The following EYS variants were observed in gnomAD, a reference collection of about 807,000 sequenced individuals.
The protein encoded by EYS is EGF-like photoreceptor maintenance factor.
Under a neutral mutation model 282.1 loss-of-function variants are expected in EYS, and 250 were observed. The observed-to-expected ratio is 0.89, with a 90% CI of 0.80 to 0.98. The LOEUF is 0.98. Among genes scored for constraint, EYS ranks in the 50% least tolerant of loss-of-function variants. The pLI, the probability that EYS is intolerant of heterozygous loss-of-function variation, is 0.00. For missense variants in EYS, 4,016 were observed against 3,709.0 expected (o/e 1.08, Z -2.15); for synonymous variants, 1,355 against 1,282.9 (o/e 1.06, Z -1.20).
intron 19 of EYS, among the ~76,000 whole-genome samples, chr6:64,871,644 C>G (rs953636633): frequency 2.6e-5 from 4 of 151,930 alleles, no homozygotes; most frequent in Admixed American, 2.6e-4. Flanking sequence ...AAAATTTTCT[C>G]TAAAGGTCAA....
intron 22 of EYS, among the ~76,000 whole-genome samples, chr6:64,640,583 T>C (rs1449107181): frequency 6.9e-6 from 1 of 144,736 alleles, no homozygotes; most frequent in Non-Finnish European, 1.5e-5. Context: ...GTGGGGGGAG[T>C]GGGGAGGGAT....
At chr6:65,688,242 C>T (rs1436907529) in intron 1 of EYS, among the ~76,000 whole-genome samples, 1 of 152,076 alleles carries the variant, frequency 6.6e-6, no homozygotes, top group Non-Finnish European at 1.5e-5. Flanking sequence ...GAGATATAGA[C>T]TAATGGAACA....
At chr6:64,099,901 T>C (rs1772766706) in intron 31 of EYS, among the ~76,000 whole-genome samples, 1 of 152,216 alleles carries the variant, frequency 6.6e-6, no homozygotes, top group Non-Finnish European at 1.5e-5. Context: ...TCAAGAAATA[T>C]ATTTAAATTA....
rs1472351852 is a variant in EYS, at chr6:64,067,920, CT to C, written c.6572-1430del. On this transcript the variant is annotated intron_variant, in intron 32 of 42. Coordinates refer to ENST00000503581, the MANE Select transcript of EYS (RefSeq NM_001142800.2). ...TCTAGTGTAGATAGACATTTTCCCCCTAGGCTTTCGTTACTGTGAAAAATGC... is the reference window on the plus strand; with the variant it reads ...TCTAGTGTAGATAGACATTTTCCCCCAGGCTTTCGTTACTGTGAAAAATGC... Among the ~76,000 whole-genome samples, 3 of 151,804 alleles carry C rather than the reference CT, an allele frequency of 2.0e-5. No individual in the cohort carries two copies. In the East Asian group the frequency reaches 5.8e-4, roughly 29 times the overall value.
chr6:65,131,492 A>T (rs1343520097), intron 12 of EYS, among the ~76,000 whole-genome samples: 3 of 152,014 alleles, frequency 2.0e-5, no homozygotes, highest in African/African-American at 7.2e-5. Context: ...TTGAGTAAAT[A>T]ATGAAATTAA....
At chr6:64,173,594 G>T (rs1230536087) in intron 31 of EYS, among the ~76,000 whole-genome samples, 1 of 152,034 alleles carries the variant, frequency 6.6e-6, no homozygotes, top group South Asian at 2.1e-4. Flanking sequence ...TTTTGTAAAG[G>T]CCACTCATAC....
chr6:64,100,568 G>GT (rs1772791314), intron 31 of EYS, among the ~76,000 whole-genome samples: 2 of 151,422 alleles, frequency 1.3e-5, no homozygotes, highest in South Asian at 4.2e-4. Flanking sequence ...TTTATTATGT[G>GT]GTTTTTTTAT....
chr6:64,181,374 C>G (rs1386783597), intron 31 of EYS, among the ~76,000 whole-genome samples: 1 of 152,024 alleles, frequency 6.6e-6, no homozygotes, highest in Non-Finnish European at 1.5e-5. Context: ...ATTATATGCT[C>G]TATAATGATT....
intron 1 of EYS, among the ~76,000 whole-genome samples, chr6:65,703,546 A>G (rs1362060436): frequency 6.6e-6 from 1 of 151,716 alleles, no homozygotes; most frequent in Non-Finnish European, 1.5e-5. Flanking sequence ...TTGAATGAGC[A>G]AAGTGCATTG....
At chr6:64,396,709 T>A (rs1773391170) in intron 28 of EYS, among the ~76,000 whole-genome samples, 1 of 152,128 alleles carries the variant, frequency 6.6e-6, no homozygotes, top group Non-Finnish European at 1.5e-5. Flanking sequence ...ATCGCTTCTG[T>A]CATAAATCAT....
chr6:64,869,222 A>T (rs1416967405), intron 19 of EYS, among the ~76,000 whole-genome samples: 1 of 151,572 alleles, frequency 6.6e-6, no homozygotes, highest in Non-Finnish European at 1.5e-5. Flanking sequence ...AAACATGAAC[A>T]TTTGTTCAGA....
chr6:64,835,322 T>C (rs1219085658), intron 19 of EYS, among the ~76,000 whole-genome samples: 2 of 151,646 alleles, frequency 1.3e-5, no homozygotes, highest in Non-Finnish European at 3.0e-5. Flanking sequence ...ATGTGCATAA[T>C]AAGGATGAGG....
chr6:65,455,275 G>C (rs917111007), intron 5 of EYS, among the ~76,000 whole-genome samples: 6 of 151,962 alleles, frequency 3.9e-5, no homozygotes, highest in South Asian at 2.1e-4. Context: ...AAATGAAATT[G>C]CTTTCTTGAA....
chr6:64,964,547 G>A (rs1409886237), intron 14 of EYS, among the ~76,000 whole-genome samples: 2 of 151,968 alleles, frequency 1.3e-5, no homozygotes, highest in Non-Finnish European at 2.9e-5. Context: ...AATATCTTAT[G>A]TTTGTTAAGG....
intron 13 of EYS, among the ~76,000 whole-genome samples, chr6:65,051,357 A>C (rs565766244): frequency 3.8e-4 from 58 of 151,714 alleles, no homozygotes; most frequent in Middle Eastern, 3.4e-3. Flanking sequence ...TTATAAAGTC[A>C]TCAACAATTT....
At chr6:64,795,803 G>A (rs749077196) in intron 22 of EYS, among the ~76,000 whole-genome samples, 1 of 152,078 alleles carries the variant, frequency 6.6e-6, no homozygotes, top group Non-Finnish European at 1.5e-5. Context: ...AATTTGATTT[G>A]GAGAAAAATA....
chr6:65,594,713 G>C (rs1442919475), intron 2 of EYS, among the ~76,000 whole-genome samples: 1 of 152,076 alleles, frequency 6.6e-6, no homozygotes, highest in Non-Finnish European at 1.5e-5. Context: ...ATTGCTTTTG[G>C]TGTTTTAGAC....
intron 36 of EYS, chr6:63,821,182 G>A (rs956805988): frequency 6.7e-6 from 1 of 149,972 alleles, no homozygotes; most frequent in Non-Finnish European, 1.5e-5. Flanking sequence ...GTGTTTTGTA[G>A]GTTTTTTTTT....
intron 28 of EYS, among the ~76,000 whole-genome samples, chr6:64,392,095 AC>A (rs1255535122): frequency 1.3e-5 from 2 of 152,182 alleles, no homozygotes; most frequent in East Asian, 1.9e-4. Flanking sequence ...ATATATATGC[AC>A]CCAATACAGG....
Sources: allele counts gnomAD v4.1 joint callset (sites outside exome capture counted in the v4.1 genomes callset), GRCh38; gene constraint gnomAD v4.1.1; transcripts MANE v1.5; gene names NCBI Gene and HGNC (gene_info 2026-07-23, HGNC 2026-07-21).